The following PTBP2 variants were observed in gnomAD, a reference collection of about 807,000 sequenced individuals.
PTBP2 encodes the protein polypyrimidine tract-binding protein 2.
A neutral mutation model predicts 61.4 loss-of-function variants in PTBP2; 13 were observed. That is an observed-to-expected ratio of 0.21 (90% CI 0.14 to 0.34). The LOEUF (loss-of-function observed/expected upper bound fraction) is 0.34. Among genes scored for constraint, PTBP2 ranks in the 10% least tolerant of loss-of-function variants. The pLI, the probability that PTBP2 is intolerant of heterozygous loss-of-function variation, is 1.00. For missense variants in PTBP2, 405 were observed against 642.6 expected, an observed-to-expected ratio of 0.63 and a Z score of 4.00; for synonymous variants, 215 against 218.5, an observed-to-expected ratio of 0.98 and a Z score of 0.14.
chr1:96,791,551 A>C (rs1279144851), intron 8 of PTBP2, among the ~76,000 whole-genome samples: 1 of 152,164 alleles, frequency 6.6e-6, no homozygotes, highest in Non-Finnish European at 1.5e-5. Context: ...GATGTAGGCC[A>C]TTAAGTAGAC....
chr1:96,785,581 T>C (rs924890904), intron 8 of PTBP2, among the ~76,000 whole-genome samples: 4 of 152,180 alleles, frequency 2.6e-5, no homozygotes, highest in African/African-American at 9.6e-5. Context: ...TTAAACTTGA[T>C]GTCACTATGC....
downstream of PTBP2, chr1:96,819,988 C>T (rs1662625898): frequency 2.0e-5 from 3 of 151,732 alleles, no homozygotes; most frequent in Admixed American, 2.0e-4. Context: ...GTTGTCTTTG[C>T]CCTAAGTTTG....
At chr1:96,785,390 G>A (rs935691671) in intron 8 of PTBP2, 136 bp downstream of exon 8, 16 of 596,964 alleles carry the variant, frequency 2.7e-5, no homozygotes, top group Non-Finnish European at 4.4e-5. Context: ...TCTCAAGTGA[G>A]AAGGCATATG....
chr1:96,770,201 C>T (rs1015847162), intron 4 of PTBP2, among the ~76,000 whole-genome samples: 3 of 151,930 alleles, frequency 2.0e-5, no homozygotes, highest in African/African-American at 7.2e-5. Context: ...CTAGTCGCAT[C>T]TTTCCTTAAG....
At chr1:96,740,302 A>C (rs1652830848) in intron 2 of PTBP2, among the ~76,000 whole-genome samples, 2 of 152,308 alleles carry the variant, frequency 1.3e-5, no homozygotes, top group South Asian at 4.1e-4. Context: ...TTCTGAGGCC[A>C]CTTCTCTTGA....
chr1:96,787,734 A>G (rs1659367934), intron 8 of PTBP2, among the ~76,000 whole-genome samples: 1 of 152,178 alleles, frequency 6.6e-6, no homozygotes, highest in Non-Finnish European at 1.5e-5. Context: ...GCAGATTTGC[A>G]TTATCTTTTA....
At chr1:96,768,295 T>TAC (rs1224939788) in intron 3 of PTBP2, among the ~76,000 whole-genome samples, 1 of 152,064 alleles carries the variant, frequency 6.6e-6, no homozygotes, top group Admixed American at 6.6e-5. Flanking sequence ...CATCCCTGAA[T>TAC]ACCCAGTAAA....
chr1:96,808,457 A>G (rs1040203509), intron 11 of PTBP2, among the ~76,000 whole-genome samples: 4 of 151,970 alleles, frequency 2.6e-5, no homozygotes, highest in Non-Finnish European at 5.9e-5. Flanking sequence ...TAAGGATCCT[A>G]GTCCTGTTGA....
At position 96,813,572 on chromosome 1, in the gene PTBP2, C is replaced by T. The variant is rs1210184574; in HGVS notation, c.*167C>T. ...ATTCCTTGGTTATAAAATGAAATGG[C>T]ATATGTAAAGGCAGAGTTGTTAACT... is the stretch of plus-strand genomic sequence containing the variant. On this transcript the variant is annotated 3_prime_UTR_variant, in exon 14 of 14. Coordinates refer to ENST00000674951, the MANE Select transcript of PTBP2 (RefSeq NM_021190.4). The T allele has an allele frequency of 1.2e-5, 7 of 562,386 alleles. No homozygotes were observed. The highest frequency in any genetic ancestry group is 1.9e-5 in the Non-Finnish European group (7 of 363,018). 34.8% of individuals were successfully genotyped at this position (562,386 alleles called of 1,614,324 possible). A position where few individuals can be genotyped will look rare whatever the true frequency, so the allele number is the denominator to read the frequency against.
At chr1:96,765,924 G>T (rs985442819) in intron 3 of PTBP2, among the ~76,000 whole-genome samples, 1 of 152,152 alleles carries the variant, frequency 6.6e-6, no homozygotes, top group Non-Finnish European at 1.5e-5. Context: ...GTTTTTAGGG[G>T]TGCTATTAGA....
rs372735113 is a variant in PTBP2 at position 96,809,328 on chromosome 1, G to T, written c.1171+2370G>T. ...CCAACACAGTTTTTAAACGCATATG[G>T]AACATTTTTGAAAAATCAGTCACAT... On this transcript the variant is annotated intron_variant, in intron 11 of 13. Transcript: ENST00000674951. 2.2e-4 allele frequency among the ~76,000 whole-genome samples: 34 copies of T among 152,230 alleles called. No individual in the cohort carries two copies. In the South Asian group the frequency reaches 7.1e-3, roughly 32 times the overall value.
chr1:96,807,026 G>A (rs987486355), intron 11 of PTBP2, 68 bp downstream of exon 11: 60 of 1,217,390 alleles, frequency 4.9e-5, no homozygotes, highest in African/African-American at 4.6e-4. Flanking sequence ...GTGAATGTGC[G>A]AATAAAAATA....
At chr1:96,807,393 CTG>C (rs1452469920) in intron 11 of PTBP2, among the ~76,000 whole-genome samples, 5 of 152,200 alleles carry the variant, frequency 3.3e-5, no homozygotes, top group African/African-American at 9.6e-5. Context: ...GCTAAAAACA[CTG>C]TTGTTAATCC....
intron 8 of PTBP2, among the ~76,000 whole-genome samples, chr1:96,792,203 A>C (rs1331031882): frequency 6.6e-6 from 1 of 152,130 alleles, no homozygotes; most frequent in East Asian, 1.9e-4. Flanking sequence ...TTAGAATGAA[A>C]TTGTCTCAAT....
At chr1:96,806,980 T>C in intron 11 of PTBP2, 22 bp downstream of exon 11, 1 of 1,537,098 alleles carries the variant, frequency 6.5e-7, no homozygotes, top group Non-Finnish European at 8.9e-7. Flanking sequence ...CTATGTTTTA[T>C]CTATACATCT....
At chr1:96,793,293 T>G (rs1660039334) in intron 8 of PTBP2, among the ~76,000 whole-genome samples, 1 of 152,218 alleles carries the variant, frequency 6.6e-6, no homozygotes, top group South Asian at 2.1e-4. Flanking sequence ...TTTTGAAGTC[T>G]TAAAATGTGT....
intron 3 of PTBP2, among the ~76,000 whole-genome samples, chr1:96,752,442 AAC>A (rs928069190): frequency 1.3e-5 from 2 of 152,054 alleles, no homozygotes; most frequent in Non-Finnish European, 2.9e-5. Flanking sequence ...CACAAACACA[AAC>A]ACACATCTCT....
downstream of PTBP2, chr1:96,817,606 C>G (rs576861536): frequency 2.0e-5 from 3 of 152,180 alleles, no homozygotes; most frequent in African/African-American, 7.2e-5. Flanking sequence ...AACTATATCA[C>G]TACCTAACAT....
intron 2 of PTBP2, among the ~76,000 whole-genome samples, chr1:96,743,443 TG>T (rs1402642317): frequency 6.6e-6 from 1 of 152,222 alleles, no homozygotes. Context: ...ATGTAATTCC[TG>T]TTGTATGTCA....
Sources: allele counts gnomAD v4.1 joint callset (sites outside exome capture counted in the v4.1 genomes callset), GRCh38; gene constraint gnomAD v4.1.1; transcripts MANE v1.5; gene names NCBI Gene and HGNC (gene_info 2026-07-23, HGNC 2026-07-21).